Variants in PLEKHG4B observed in about 807,000 individuals in gnomAD.
The protein encoded by PLEKHG4B is pleckstrin homology domain-containing family G member 4B.
A neutral mutation model predicts 121.3 loss-of-function variants in PLEKHG4B; 111 were observed. The ratio of observed to expected loss-of-function variants is 0.92; its 90% confidence interval spans 0.78 to 1.07. The LOEUF is 1.07. PLEKHG4B is among the 50% of genes least tolerant of loss of function. PLEKHG4B has a pLI of 0.00. For missense variants in PLEKHG4B, 1,831 were observed against 1,757.8 expected, an observed-to-expected ratio of 1.04 and a Z score of -0.74; for synonymous variants, 738 against 725.0, an observed-to-expected ratio of 1.02 and a Z score of -0.29.
intron 11 of PLEKHG4B, among the ~76,000 whole-genome samples, chr5:158,776 G>A (rs1735890906): frequency 6.9e-6 from 1 of 145,908 alleles, no homozygotes; most frequent in Admixed American, 6.7e-5. Flanking sequence ...TCCTCCCTCT[G>A]CTCTTCCTGG....
Position 171,029 on chromosome 5 carries a change from C to A in PLEKHG4B, c.3730-14C>A. 3 of 1,601,642 alleles carry A rather than the reference C, an allele frequency of 1.9e-6. No homozygotes were observed. Among genetic ancestry groups the A allele is most frequent in the Non-Finnish European group, 2.6e-6 (3 of 1,172,600 alleles). Reference sequence around the variant, plus strand: ...GTCACTCCCACAGCCAAGCAGTCGCCTCTGCTTTTCCAGGAAGAGCAGTTT... The same window carrying A: ...GTCACTCCCACAGCCAAGCAGTCGCATCTGCTTTTCCAGGAAGAGCAGTTT... On this transcript the variant is annotated splice_polypyrimidine_tract_variant and intron_variant, in intron 14 of 19. Coordinates refer to ENST00000637938, the MANE Select transcript of PLEKHG4B (RefSeq NM_052909.5).
chr5:119,286 A>G (rs1364720385), intron 2 of PLEKHG4B, among the ~76,000 whole-genome samples: 1 of 152,182 alleles, frequency 6.6e-6, no homozygotes, highest in Non-Finnish European at 1.5e-5. Context: ...AAACCCTTAC[A>G]TTTGGAAAAT....
At chr5:134,036 AGATAGAATATATATAT>A (rs1254539456) in intron 2 of PLEKHG4B, among the ~76,000 whole-genome samples, 5 of 142,534 alleles carry the variant, frequency 3.5e-5, no homozygotes, top group African/African-American at 5.1e-5. Flanking sequence ...GAATATATAT[AGATAGAATATATATAT>A]GATAGAATAT....
In PLEKHG4B at chr5:163,262, A is replaced by G. The variant is rs1242948198; in HGVS notation, c.3190A>G (p.Thr1064Ala). 1.9e-6 allele frequency: 3 copies of G among 1,612,406 alleles called. No homozygotes were observed. The highest frequency in any genetic ancestry group is 2.5e-6 in the Non-Finnish European group (3 of 1,179,752). ...CAGCTCTGCCTGTTCCTCTGAGCCC[A>G]CCCAGACCCTGGCCAGCCGCCCCAG... is the stretch of plus-strand genomic sequence containing the variant. Reference protein sequence around the residue: ...EDSSACSSEPTQTLASRPRKH... With the variant: ...EDSSACSSEPAQTLASRPRKH... Residue 1064 changes from threonine (T) to alanine (A), a missense_variant, in exon 13 of 20, where the codon ACC becomes GCC. Transcript: ENST00000637938.
intron 2 of PLEKHG4B, among the ~76,000 whole-genome samples, chr5:122,727 C>G (rs904142353): frequency 1.3e-5 from 2 of 151,810 alleles, no homozygotes; most frequent in African/African-American, 4.8e-5. Flanking sequence ...GCCAAAATGC[C>G]CTTTAAATAT....
At chr5:145,072 T>C in intron 6 of PLEKHG4B, 152 bp downstream of exon 6, 4 of 628,912 alleles carry the variant, frequency 6.4e-6, no homozygotes, top group Non-Finnish European at 1.1e-5. Flanking sequence ...CACCTCCTTC[T>C]TGGGGTCTTC....
rs770212310 is a variant in PLEKHG4B at position 140,328 on chromosome 5, C to T, written c.1089C>T (p.Pro363=). 3 of 1,525,014 alleles carry T rather than the reference C, an allele frequency of 2.0e-6. No homozygotes were observed. In the East Asian group the frequency reaches 7.2e-5, roughly 36 times the overall value. 94.5% of individuals were successfully genotyped at this position (1,525,014 alleles called of 1,614,324 possible). Residue 363 remains proline, a synonymous_variant, in exon 3 of 20, where the codon CCC becomes CCT. Coordinates refer to ENST00000637938, the MANE Select transcript of PLEKHG4B (RefSeq NM_052909.5). ...RESYMEALRN[P]MPLGSSEEAL... ...CGTACATGGAAGCCTTGCGGAACCC[C>T]ATGCCCCTGGGCAGCTCTGAGGAGG... is the stretch of plus-strand genomic sequence containing the variant.
intron 2 of PLEKHG4B, among the ~76,000 whole-genome samples, chr5:134,465 T>C (rs980707544): frequency 1.3e-5 from 2 of 151,658 alleles, no homozygotes; most frequent in Admixed American, 6.6e-5. Context: ...AAACACCTAT[T>C]GAAATTAAAA....
In PLEKHG4B at chr5:186,824, C is replaced by G. The variant is rs1191090336; in HGVS notation, c.*4501C>G. ...ACCCACGCCTCAGCACTGGGACCCCCCAGGGATGGTGTGGGGATTCCTGCC... is the reference window on the plus strand; with the variant it reads ...ACCCACGCCTCAGCACTGGGACCCCGCAGGGATGGTGTGGGGATTCCTGCC... On this transcript the variant is annotated 3_prime_UTR_variant, in exon 20 of 20. Coordinates refer to ENST00000637938, the MANE Select transcript of PLEKHG4B (RefSeq NM_052909.5). 1 of 152,470 alleles carries G rather than the reference C, an allele frequency of 6.6e-6. No individual in the cohort carries two copies. Among genetic ancestry groups the G allele is most frequent in the Non-Finnish European group, 1.5e-5 (1 of 68,258 alleles). The allele number at this position is 152,470 out of a possible 1,614,324, so 9.4% of individuals were successfully genotyped here. A position where few individuals can be genotyped will look rare whatever the true frequency, so the allele number is the denominator to read the frequency against.
At chr5:138,466 A>G (rs1035585001) in intron 2 of PLEKHG4B, among the ~76,000 whole-genome samples, 4 of 152,234 alleles carry the variant, frequency 2.6e-5, no homozygotes, top group Non-Finnish European at 5.9e-5. Context: ...ATGATTAGAA[A>G]AAGGCTTTTG....
rs200761984 is a variant in PLEKHG4B, at chr5:178,051, G to A, written c.4403-3463G>A. Reference sequence around the variant, plus strand: ...TTCGTCCCTTTTCTGTTGGGGGAACGTGAGGATGCCCTGTGTGCTTAGGAA... The same window carrying A: ...TTCGTCCCTTTTCTGTTGGGGGAACATGAGGATGCCCTGTGTGCTTAGGAA... On this transcript the variant is annotated intron_variant, in intron 18 of 19. Coordinates refer to ENST00000637938, the MANE Select transcript of PLEKHG4B (RefSeq NM_052909.5). Among the ~76,000 whole-genome samples, 3 of 152,226 alleles carry A rather than the reference G, an allele frequency of 2.0e-5. No homozygotes were observed. The East Asian group carries it at 5.8e-4, about 29-fold the overall frequency.
intron 13 of PLEKHG4B, among the ~76,000 whole-genome samples, chr5:165,411 C>T (rs1423789232): frequency 2.1e-5 from 1 of 46,986 alleles, no homozygotes; most frequent in African/African-American, 8.8e-5. Context: ...CACACTAATG[C>T]TCTGACGGGG....
chr5:140,776 A>G (rs1579278850), intron 3 of PLEKHG4B, 60 bp downstream of exon 3: 4 of 1,193,062 alleles, frequency 3.4e-6, no homozygotes, highest in East Asian at 3.2e-5. Flanking sequence ...ACATCCCACA[A>G]TCTCCCCCTG....
Position 186,170 on chromosome 5 carries a change from C to T in PLEKHG4B, c.*3847C>T, listed in dbSNP as rs1283912616. 6.6e-6 allele frequency: 1 copy of T among 152,218 alleles called. No homozygotes were observed. Among genetic ancestry groups the T allele is most frequent in the Non-Finnish European group, 1.5e-5 (1 of 68,044 alleles). 9.4% of individuals were successfully genotyped at this position (152,218 alleles called of 1,614,324 possible). A position where few individuals can be genotyped will look rare whatever the true frequency, so the allele number is the denominator to read the frequency against. On this transcript the variant is annotated 3_prime_UTR_variant, in exon 20 of 20. Coordinates refer to ENST00000637938, the MANE Select transcript of PLEKHG4B (RefSeq NM_052909.5). ...TCCTGGAGCCAGCCCTGGTGTGAAA[C>T]AGAGGCTTCCTGCTGGCAGAAGAGG...
intron 2 of PLEKHG4B, among the ~76,000 whole-genome samples, chr5:138,278 TTTGCCATATCAATG>T (rs1161317302): frequency 6.6e-6 from 1 of 152,238 alleles, no homozygotes; most frequent in Non-Finnish European, 1.5e-5. Flanking sequence ...TTAAGTCAAA[TTTGCCATATCAATG>T]ATAGTTCCGT....
At chr5:168,136 T>A (rs1438979251) in intron 13 of PLEKHG4B, among the ~76,000 whole-genome samples, 1 of 152,136 alleles carries the variant, frequency 6.6e-6, no homozygotes, top group Non-Finnish European at 1.5e-5. Context: ...CTCCTGCAGA[T>A]GTGTGTGTTG....
intron 6 of PLEKHG4B, among the ~76,000 whole-genome samples, chr5:148,828 C>A (rs1735512305): frequency 6.6e-6 from 1 of 152,046 alleles, no homozygotes; most frequent in African/African-American, 2.4e-5. Flanking sequence ...CAAAACTTAA[C>A]AAAGCAACAG....
intron 1 of PLEKHG4B, among the ~76,000 whole-genome samples, chr5:112,476 A>G (rs1734186337): frequency 6.6e-6 from 1 of 152,214 alleles, no homozygotes; most frequent in Admixed American, 6.5e-5. Flanking sequence ...GTTCTTTTCT[A>G]CAGACATGAG....
intron 16 of PLEKHG4B, among the ~76,000 whole-genome samples, chr5:172,669 GGAACTGGGTGAGTTCCT>G (rs1366847038): frequency 7.9e-5 from 12 of 152,240 alleles, no homozygotes; most frequent in African/African-American, 2.9e-4. Context: ...AGGGTTGGGG[GGAACTGGGTGAGTTCCT>G]GAGCTTTTAG....
Sources: gnomAD v4.1 joint callset for allele counts (sites outside exome capture counted in the v4.1 genomes callset) on GRCh38, gnomAD v4.1.1 for gene constraint, MANE v1.5 for transcripts, NCBI Gene and HGNC (gene_info 2026-07-23, HGNC 2026-07-21) for gene names.